Variants in LRCH1 observed in about 807,000 individuals in gnomAD.
LRCH1 encodes the protein leucine-rich repeat and calponin homology domain-containing protein 1.
LRCH1 carries 23 observed loss-of-function variants against 94.9 expected under a neutral mutation model. The ratio of observed to expected loss-of-function variants is 0.24; its 90% CI spans 0.17 to 0.34. LRCH1 has a LOEUF of 0.34. Ranked by LOEUF, LRCH1 falls within the 10% of genes least tolerant of loss-of-function variation. The pLI is 1.00. For synonymous variants in LRCH1, 364 were observed against 354.9 expected (o/e 1.03, Z -0.29); for missense variants, 790 against 945.9 (o/e 0.84, Z 2.16).
chr13:46,641,657 G>A (rs565020794), intron 1 of LRCH1, among the ~76,000 whole-genome samples: 86 of 152,170 alleles, frequency 5.7e-4, no homozygotes, highest in African/African-American at 1.6e-3. Flanking sequence ...CTGGTCTGTC[G>A]GCATGGCTGC....
chr13:46,730,711 A>G (rs1873059046), intron 18 of LRCH1, among the ~76,000 whole-genome samples: 1 of 152,198 alleles, frequency 6.6e-6, no homozygotes, highest in Non-Finnish European at 1.5e-5. Flanking sequence ...TCCAATATGA[A>G]ACACTCCAGT....
intron 2 of LRCH1, among the ~76,000 whole-genome samples, chr13:46,653,519 A>G (rs1181092624): frequency 6.6e-6 from 1 of 152,220 alleles, no homozygotes; most frequent in Non-Finnish European, 1.5e-5. Context: ...TTACATGAGT[A>G]TAAATGTATA....
At chr13:46,715,696 C>G (rs1872286145) in intron 16 of LRCH1, 32 bp downstream of exon 16, 3 of 1,339,444 alleles carry the variant, frequency 2.2e-6, no homozygotes, top group Non-Finnish European at 3.1e-6. Flanking sequence ...CTCCAATGTT[C>G]TCATTAATAA....
At chr13:46,556,207 C>A (rs965685659) in intron 1 of LRCH1, among the ~76,000 whole-genome samples, 3 of 152,138 alleles carry the variant, frequency 2.0e-5, no homozygotes. Flanking sequence ...ATATTACAGG[C>A]CATTTGGTTT....
chr13:46,622,161 T>C (rs1010014136), intron 1 of LRCH1, among the ~76,000 whole-genome samples: 1 of 150,432 alleles, frequency 6.6e-6, no homozygotes, highest in African/African-American at 2.5e-5. Flanking sequence ...AATATACTTA[T>C]CTAAACAAGC....
At chr13:46,553,846 C>G (rs187985278) in intron 1 of LRCH1, 143 bp downstream of exon 1, 3 of 1,471,544 alleles carry the variant, frequency 2.0e-6, no homozygotes, top group Middle Eastern at 2.4e-4. Flanking sequence ...GAAGAAGGGA[C>G]TCGCGTGGGC....
At chr13:46,628,611 C>G (rs1363517901) in intron 1 of LRCH1, among the ~76,000 whole-genome samples, 1 of 144,588 alleles carries the variant, frequency 6.9e-6, no homozygotes, top group East Asian at 2.1e-4. Flanking sequence ...GAGCCGAGAT[C>G]ACACCACTGC....
chr13:46,728,932 A>G lies in LRCH1; in HGVS notation c.1955A>G (p.Asn652Ser). 1.9e-6 allele frequency: 3 copies of G among 1,613,800 alleles called. No homozygotes were observed. Among genetic ancestry groups the G allele is most frequent in the Non-Finnish European group, 2.5e-6 (3 of 1,179,852 alleles). ...GGTGTCGTCCTCTGCCATCTGGTCAACCACATCCGCCCACGGTCGGTTGCA... is the reference window on the plus strand; with the variant it reads ...GGTGTCGTCCTCTGCCATCTGGTCAGCCACATCCGCCCACGGTCGGTTGCA... Reference protein sequence around the residue: ...MDGVVLCHLVNHIRPRSVASI... With the variant: ...MDGVVLCHLVSHIRPRSVASI... Residue 652 changes from asparagine to serine, a missense_variant, in exon 18 of 20, where the codon AAC becomes AGC. Coordinates refer to ENST00000389797, the MANE Select transcript of LRCH1 (RefSeq NM_001164211.2).
At chr13:46,629,169 G>A (rs1594298856) in intron 1 of LRCH1, among the ~76,000 whole-genome samples, 1 of 152,120 alleles carries the variant, frequency 6.6e-6, no homozygotes, top group African/African-American at 2.4e-5. Context: ...GCTGCCTAGG[G>A]GCAAAATCAG....
chr13:46,730,990 A>G (rs935934692), intron 18 of LRCH1, among the ~76,000 whole-genome samples: 1 of 152,194 alleles, frequency 6.6e-6, no homozygotes, highest in Non-Finnish European at 1.5e-5. Context: ...AATTAAACAA[A>G]TAATAGGAAA....
At chr13:46,625,914 A>G (rs898884200) in intron 1 of LRCH1, among the ~76,000 whole-genome samples, 49 of 152,014 alleles carry the variant, frequency 3.2e-4, no homozygotes, top group Non-Finnish European at 5.0e-4. Flanking sequence ...CAGCCTCCCA[A>G]ATTGCTGGGA....
At chr13:46,627,722 T>C (rs1594297631) in intron 1 of LRCH1, among the ~76,000 whole-genome samples, 1 of 152,228 alleles carries the variant, frequency 6.6e-6, no homozygotes, top group Non-Finnish European at 1.5e-5. Context: ...TGCCTTGATA[T>C]GGTTCTTGGT....
intron 2 of LRCH1, among the ~76,000 whole-genome samples, chr13:46,653,627 C>G (rs1382211689): frequency 1.3e-5 from 2 of 151,904 alleles, no homozygotes; most frequent in African/African-American, 4.8e-5. Context: ...GAGTTCGTGA[C>G]CAGCCTGGGC....
chr13:46,645,772 CA>C (rs1272696999), intron 1 of LRCH1, among the ~76,000 whole-genome samples: 2 of 152,086 alleles, frequency 1.3e-5, no homozygotes, highest in Non-Finnish European at 2.9e-5. Flanking sequence ...AGTATTGCTA[CA>C]AAAATACTAT....
intron 1 of LRCH1, among the ~76,000 whole-genome samples, chr13:46,594,224 C>G (rs2050533331): frequency 6.7e-6 from 1 of 149,584 alleles, no homozygotes; most frequent in Admixed American, 6.7e-5. Flanking sequence ...TTTGCCTGGA[C>G]TCCTCTTTTA....
chr13:46,585,465 T>C (rs1221554794), intron 1 of LRCH1, among the ~76,000 whole-genome samples: 1 of 149,228 alleles, frequency 6.7e-6, no homozygotes, highest in Admixed American at 6.7e-5. Context: ...TAGTCCCAGC[T>C]ACTCGTGAAT....
At chr13:46,657,500 CTTTTTTTTT>C (rs67588975) in intron 2 of LRCH1, among the ~76,000 whole-genome samples, 5 of 11,390 alleles carry the variant, frequency 4.4e-4, no homozygotes, top group Admixed American at 1.6e-3. Context: ...CTTTTCTTTT[CTTTTTTTTT>C]TTTTTTTTTT....
chr13:46,572,480 T>A (rs991472801), intron 1 of LRCH1, among the ~76,000 whole-genome samples: 1 of 152,140 alleles, frequency 6.6e-6, no homozygotes, highest in Non-Finnish European at 1.5e-5. Context: ...TAGATGCCAG[T>A]TGGAGAACAG....
At chr13:46,572,923 G>A (rs2050256471) in intron 1 of LRCH1, among the ~76,000 whole-genome samples, 1 of 152,078 alleles carries the variant, frequency 6.6e-6, no homozygotes, top group African/African-American at 2.4e-5. Context: ...GCCTGGGTGA[G>A]CGACTCCTCC....
Sources: gnomAD v4.1 joint callset for allele counts (sites outside exome capture counted in the v4.1 genomes callset) on GRCh38, gnomAD v4.1.1 for gene constraint, MANE v1.5 for transcripts, NCBI Gene and HGNC (gene_info 2026-07-23, HGNC 2026-07-21) for gene names.